FBXL19: variants seen among roughly 807,000 people sequenced by gnomAD.
FBXL19 encodes the protein F-box and leucine rich repeat protein 19, also known as F-box/LRR-repeat protein 19.
FBXL19 carries 16 observed loss-of-function variants against 71.2 expected under a neutral mutation model. That is an observed-to-expected ratio of 0.22 (90% CI 0.15 to 0.34). The LOEUF is 0.34. Ranked by LOEUF, FBXL19 falls within the 10% of genes least tolerant of loss-of-function variation. The pLI, the probability that FBXL19 is intolerant of heterozygous loss-of-function variation, is 1.00. For missense variants in FBXL19, 658 were observed against 968.2 expected (o/e 0.68, Z 4.25); for synonymous variants, 447 against 409.4 (o/e 1.09, Z -1.11).
chr16:30,924,697 T>C, intron 1 of FBXL19: 3 of 1,449,770 alleles, frequency 2.1e-6, no homozygotes, highest in South Asian at 2.9e-5. Flanking sequence ...TCCAGGCCCC[T>C]CCCCTGGAGC....
intron 7 of FBXL19, among the ~76,000 whole-genome samples, chr16:30,938,285 CAGG>C (rs2055760220): frequency 6.6e-6 from 1 of 152,028 alleles, no homozygotes; most frequent in African/African-American, 2.4e-5. Context: ...GAGGCTGAGG[CAGG>C]AGAATTGCTT....
chr16:30,947,380 C>T lies in FBXL19; in HGVS notation c.*150C>T. On this transcript the variant is annotated 3_prime_UTR_variant, in exon 11 of 11. Transcript: ENST00000338343. ...ATTCCCACCCAGGGACTCAAGCCAG[C>T]CACCCCCTTCTTTCCCCCCTGCACT... 1.6e-6 allele frequency: 1 copy of T among 633,018 alleles called. No homozygotes were observed. Among genetic ancestry groups the T allele is most frequent in the Admixed American group, 2.9e-5 (1 of 34,030 alleles). 39.2% of individuals were successfully genotyped at this position (633,018 alleles called of 1,614,324 possible).
Position 30,930,392 on chromosome 16 carries a change from C to A in FBXL19, c.1109C>A (p.Pro370Gln). 1 of 1,533,664 alleles carries A rather than the reference C, an allele frequency of 6.5e-7. No homozygotes were observed. ...CTCAGCTGGCCCCTGGGCCCAGCCCCACCACCCCGGCCTCCACAGCTGGAG... is the reference window on the plus strand; with the variant it reads ...CTCAGCTGGCCCCTGGGCCCAGCCCAACCACCCCGGCCTCCACAGCTGGAG... ...PLLSWPLGPA[P>Q]PPRPPQLERH... The change falls in exon 7 of 11, where the codon CCA becomes CAA. Residue 370 changes from proline (P) to glutamine (Q), a missense_variant. By Grantham distance (76) the Pro-to-Gln change is moderately conservative. Transcript: ENST00000338343. This position sits in a 1 kb window ranked among gnomAD's most constrained non-coding sequence, Gnocchi z 8.5.
chr16:30,935,530 A>G (rs2055722833), intron 7 of FBXL19, among the ~76,000 whole-genome samples: 2 of 152,164 alleles, frequency 1.3e-5, no homozygotes, highest in South Asian at 2.1e-4. Context: ...TTTTGAGGAC[A>G]TGGACAGAGA....
intron 2 of FBXL19, among the ~76,000 whole-genome samples, chr16:30,926,368 G>A (rs1220432301): frequency 6.6e-6 from 1 of 152,224 alleles, no homozygotes; most frequent in Admixed American, 6.5e-5. Flanking sequence ...CATGCTGAAT[G>A]AACCTCAGGT....
chr16:30,943,292 G>A (rs2055821405), intron 9 of FBXL19, among the ~76,000 whole-genome samples: 1 of 151,504 alleles, frequency 6.6e-6, no homozygotes, highest in Non-Finnish European at 1.5e-5. Context: ...GGGTTCAAGT[G>A]ATCCTCCCCA....
rs750667056 is a variant in FBXL19 at position 30,945,536 on chromosome 16, G to C, written c.1628-1194G>C. On this transcript the variant is annotated intron_variant, in intron 9 of 10. Transcript: ENST00000338343. ...AAATTAGCCAGGCGTGGTGGCAAAT[G>C]CTTTTAATCCCAACTACTTGGGAGG... Among the ~76,000 whole-genome samples, 4 of 151,742 alleles carry C rather than the reference G, an allele frequency of 2.6e-5. No individual in the cohort carries two copies. In the East Asian group the frequency reaches 7.7e-4, roughly 29 times the overall value.
chr16:30,940,536 A>G (rs2055791564), intron 7 of FBXL19, among the ~76,000 whole-genome samples: 2 of 152,184 alleles, frequency 1.3e-5, no homozygotes. Context: ...AGAGTTCTCA[A>G]ACTGAGTCCA....
chr16:30,923,658 AGG>A lies in FBXL19; in HGVS notation c.-821_-820del. Among the ~76,000 whole-genome samples, 1 of 151,320 alleles carries A rather than the reference AGG, an allele frequency of 6.6e-6. No individual in the cohort carries two copies. Among genetic ancestry groups the A allele is most frequent in the Non-Finnish European group, 1.5e-5 (1 of 67,694 alleles). ...CGTAGCAGCGCGGGGCTGGGGGACC[AGG>A]GGGGCTGAGACACCCCAACTGCCCC... On this transcript the variant is annotated 5_prime_UTR_variant, in exon 1 of 11. It removes the in-frame stop codon of an upstream open reading frame in the 5' UTR. Coordinates refer to ENST00000338343, the MANE Select transcript of FBXL19 (RefSeq NM_001382779.1).
intron 9 of FBXL19, among the ~76,000 whole-genome samples, chr16:30,945,263 G>A (rs2055845077): frequency 6.6e-6 from 1 of 152,162 alleles, no homozygotes; most frequent in African/African-American, 2.4e-5. Flanking sequence ...TTTCCTGGCT[G>A]TAAACAGGAA....
At chr16:30,945,662 CAAA>C (rs1026782160) in intron 9 of FBXL19, among the ~76,000 whole-genome samples, 1 of 72,988 alleles carries the variant, frequency 1.4e-5, no homozygotes, top group Non-Finnish European at 2.8e-5. Context: ...GACTCCATCT[CAAA>C]AAAAAAAAAA....
At chr16:30,943,807 G>A (rs2055828362) in intron 9 of FBXL19, among the ~76,000 whole-genome samples, 2 of 152,254 alleles carry the variant, frequency 1.3e-5, no homozygotes. Context: ...CTGGCCAAAA[G>A]AATCTTTTCT....
chr16:30,947,921 C>CCG lies in FBXL19; in HGVS notation c.*694_*695dup, dbSNP rs2055879826. On this transcript the variant is annotated 3_prime_UTR_variant, in exon 11 of 11. Transcript: ENST00000338343. ...CGGCAGCTATTGCAAGGAGTGGGGG[C>CCG]CGCGGGCAGCCGCTCTTCAGCTCGC... 1 of 452,310 alleles carries CCG rather than the reference C, an allele frequency of 2.2e-6. No homozygotes were observed. The highest frequency in any genetic ancestry group is 4.4e-6 in the Non-Finnish European group (1 of 224,882). The allele number at this position is 452,310 out of a possible 1,614,324, so 28.0% of individuals were successfully genotyped here. A position where few individuals can be genotyped will look rare whatever the true frequency, so the allele number is the denominator to read the frequency against.
Position 30,927,778 on chromosome 16 carries a change from GACA to G in FBXL19, c.445_447del (p.Asn149del), listed in dbSNP as rs1358420012. The stretch of plus-strand genomic sequence containing the variant: ...TGAGGGGCCTGGCCGCCGTAGGGCC[GACA>G]ACGGCGAGGAGGGCGCCAGCTTGGG... On this transcript the variant is annotated inframe_deletion, in exon 5 of 11. Coordinates refer to ENST00000338343, the MANE Select transcript of FBXL19 (RefSeq NM_001382779.1). 6.4e-7 allele frequency: 1 copy of G among 1,556,560 alleles called. No individual in the cohort carries two copies. Among genetic ancestry groups the G allele is most frequent in the African/African-American group, 1.4e-5 (1 of 73,374 alleles).
chr16:30,934,949 T>G (rs556224381), intron 7 of FBXL19, among the ~76,000 whole-genome samples: 2 of 152,272 alleles, frequency 1.3e-5, no homozygotes, highest in Admixed American at 6.5e-5. Flanking sequence ...ACATCAGTAC[T>G]TGTGAGTTAG....
Position 30,948,643 on chromosome 16 carries a change from A to G in FBXL19, c.*1413A>G, listed in dbSNP as rs2055896669. The G allele has an allele frequency of 6.6e-6, 1 of 151,820 alleles. No individual in the cohort carries two copies. Among genetic ancestry groups the G allele is most frequent in the African/African-American group, 2.4e-5 (1 of 41,234 alleles). The allele number at this position is 151,820 out of a possible 1,614,324, so 9.4% of individuals were successfully genotyped here. ...GGAGGGGTGGGGCCTGGGGATAGCG[A>G]GAGGCTTGAGAATGGGGCCGCTTGG... On this transcript the variant is annotated 3_prime_UTR_variant, in exon 11 of 11. Coordinates refer to ENST00000338343, the MANE Select transcript of FBXL19 (RefSeq NM_001382779.1).
Position 30,925,693 on chromosome 16 carries a change from C to T in FBXL19, c.-24-38C>T. ...TCAGGGGTCTCCCAGGCCAGGGCCCCAGTGGGCCCATCTGACCCTGCCACC... is the reference window on the plus strand; with the variant it reads ...TCAGGGGTCTCCCAGGCCAGGGCCCTAGTGGGCCCATCTGACCCTGCCACC... On this transcript the variant is annotated intron_variant, in intron 1 of 10. Transcript: ENST00000338343. This position sits in a 1 kb window ranked among gnomAD's most constrained non-coding sequence, Gnocchi z 5.0. 1 of 1,470,904 alleles carries T rather than the reference C, an allele frequency of 6.8e-7. No individual in the cohort carries two copies. The highest frequency in any genetic ancestry group is 8.9e-7 in the Non-Finnish European group (1 of 1,119,064). The allele number at this position is 1,470,904 out of a possible 1,614,324, so 91.1% of individuals were successfully genotyped here. A position where few individuals can be genotyped will look rare whatever the true frequency, so the allele number is the denominator to read the frequency against.
rs2055651840 is a variant in FBXL19 at position 30,930,076 on chromosome 16, C to A, written c.793C>A (p.Pro265Thr). 5 of 1,610,100 alleles carry A rather than the reference C, an allele frequency of 3.1e-6. No individual in the cohort carries two copies. The highest frequency in any genetic ancestry group is 4.2e-6 in the Non-Finnish European group (5 of 1,177,274). The change falls in exon 7 of 11, where the codon CCA (proline) becomes ACA (threonine). Residue 265 changes from proline to threonine, a missense_variant. Pro to Thr is a conservative substitution (Grantham distance 38). Around this residue, in one of 8 missense-constraint regions of FBXL19, gnomAD observed 447 missense variants for 515.4 expected, o/e 0.87. Coordinates refer to ENST00000338343, the MANE Select transcript of FBXL19 (RefSeq NM_001382779.1). The surrounding 1 kb of genome is among the most constrained non-coding windows in gnomAD (Gnocchi z 8.5). ...CATCAACCCTGTCTCCCTGCAGAAACCAAAGCCGCCTTTGGCCTCTGCAGA... is the reference window on the plus strand; with the variant it reads ...CATCAACCCTGTCTCCCTGCAGAAAACAAAGCCGCCTTTGGCCTCTGCAGA... ...PGLPPENWEK[P>T]KPPLASAEGP...
chr16:30,930,545 T>G lies in FBXL19; in HGVS notation c.1262T>G (p.Leu421Arg). The part of the protein sequence containing the change: ...RVFQHLGPRE[L>R]CICMRVCRTW... Reference sequence around the variant, plus strand: ...TTCCAGCACCTCGGGCCGCGGGAGCTGTGTATCTGCATGCGAGTCTGCCGA... The same window carrying G: ...TTCCAGCACCTCGGGCCGCGGGAGCGGTGTATCTGCATGCGAGTCTGCCGA... Residue 421 changes from leucine to arginine, a missense_variant, in exon 7 of 11, where the codon CTG becomes CGG. Around this residue, in one of 8 missense-constraint regions of FBXL19, gnomAD observed 447 missense variants for 515.4 expected, o/e 0.87. Transcript: ENST00000338343. The surrounding 1 kb of genome is among the most constrained non-coding windows in gnomAD (Gnocchi z 8.5). 6.7e-7 allele frequency: 1 copy of G among 1,490,938 alleles called. No individual in the cohort carries two copies. The highest frequency in any genetic ancestry group is 8.9e-7 in the Non-Finnish European group (1 of 1,128,568). 92.4% of individuals were successfully genotyped at this position (1,490,938 alleles called of 1,614,324 possible). A position where few individuals can be genotyped will look rare whatever the true frequency, so the allele number is the denominator to read the frequency against.
Sources: allele counts gnomAD v4.1 joint callset (sites outside exome capture counted in the v4.1 genomes callset), GRCh38; gene constraint gnomAD v4.1.1; regional missense constraint gnomAD v4.1.1; non-coding constraint Gnocchi (gnomAD v3.1); transcripts MANE v1.5; gene names NCBI Gene and HGNC (gene_info 2026-07-23, HGNC 2026-07-21).